The following PRDM11 variants were observed in gnomAD, a reference collection of about 807,000 sequenced individuals.
The protein encoded by PRDM11 is PR/SET domain 11.
A neutral mutation model predicts 97.8 loss-of-function variants in PRDM11; 20 were observed. The observed-to-expected ratio is 0.20, with a 90% CI of 0.14 to 0.30. The LOEUF is 0.30. PRDM11 is among the 10% of genes least tolerant of loss of function. PRDM11 has a pLI of 1.00. For missense variants in PRDM11, 1,139 were observed against 1,555.2 expected (o/e 0.73, Z 4.50); for synonymous variants, 599 against 637.7 (o/e 0.94, Z 0.91).
chr11:45,213,615 G>T (rs143657349), intron 5 of PRDM11: 34 of 456,540 alleles, frequency 7.4e-5, no homozygotes, highest in Admixed American at 7.0e-4. Flanking sequence ...ATGGGATGAC[G>T]TCGGAGGAAG....
intron 1 of PRDM11, among the ~76,000 whole-genome samples, chr11:45,153,413 C>T (rs116488496): frequency 0.013 from 1,991 of 152,316 alleles, 39 homozygotes; most frequent in African/African-American, 0.044. Context: ...ATCTGCAGAA[C>T]GGGGGCAATG....
chr11:45,124,694 T>C (rs1852523648), intron 1 of PRDM11, among the ~76,000 whole-genome samples: 2 of 152,222 alleles, frequency 1.3e-5, no homozygotes, highest in African/African-American at 4.8e-5. Context: ...GAAGCCCACT[T>C]GATCATGGTG....
upstream of PRDM11, among the ~76,000 whole-genome samples, chr11:45,095,072 C>T (rs985624888): frequency 2.0e-5 from 3 of 152,128 alleles, no homozygotes; most frequent in Non-Finnish European, 4.4e-5. Context: ...CTTAACAACG[C>T]CCTTCCCCAA....
chr11:45,213,032 C>A, intron 5 of PRDM11: 1 of 421,704 alleles, frequency 2.4e-6, no homozygotes, highest in Non-Finnish European at 4.9e-6. Context: ...GAAGAGAAAG[C>A]ACAATTTCTA....
Position 45,229,095 on chromosome 11 carries a change from G to A in PRDM11, c.*936G>A, listed in dbSNP as rs1252572734. ...AAGAAGTCCAGACCCCAACAGGGGAGTGATTTTTGGCTAAAAAACAAGGAA... is the reference window on the plus strand; with the variant it reads ...AAGAAGTCCAGACCCCAACAGGGGAATGATTTTTGGCTAAAAAACAAGGAA... On this transcript the variant is annotated 3_prime_UTR_variant, in exon 8 of 8. Transcript: ENST00000683152. 6.6e-6 allele frequency: 1 copy of A among 152,216 alleles called. No individual in the cohort carries two copies. The highest frequency in any genetic ancestry group is 1.5e-5 in the Non-Finnish European group (1 of 68,036). The allele number at this position is 152,216 out of a possible 1,614,324, so 9.4% of individuals were successfully genotyped here.
intron 4 of PRDM11, among the ~76,000 whole-genome samples, chr11:45,198,065 A>T (rs934286227): frequency 2.6e-5 from 4 of 152,180 alleles, no homozygotes; most frequent in African/African-American, 9.7e-5. Flanking sequence ...GGAAGTTCTC[A>T]TTTCCTTATC....
chr11:45,162,143 C>T (rs978393863), intron 1 of PRDM11, among the ~76,000 whole-genome samples: 2 of 152,196 alleles, frequency 1.3e-5, no homozygotes, highest in Admixed American at 1.3e-4. Flanking sequence ...CCCTGCCCTT[C>T]CCCAGCACCA....
intron 4 of PRDM11, among the ~76,000 whole-genome samples, chr11:45,192,324 G>A (rs1590426169): frequency 6.6e-6 from 1 of 152,306 alleles, no homozygotes; most frequent in Non-Finnish European, 1.5e-5. Flanking sequence ...ATAAAACACT[G>A]TTGATTCAAT....
intron 4 of PRDM11, among the ~76,000 whole-genome samples, chr11:45,194,156 A>G (rs900486454): frequency 6.6e-6 from 1 of 152,214 alleles, no homozygotes; most frequent in Non-Finnish European, 1.5e-5. Flanking sequence ...CAGGGATTCA[A>G]TCTGACACGG....
chr11:45,095,360 C>T (rs1851874809), upstream of PRDM11, among the ~76,000 whole-genome samples: 1 of 152,156 alleles, frequency 6.6e-6, no homozygotes, highest in African/African-American at 2.4e-5. Flanking sequence ...CTGATCTCCC[C>T]AGGCATCCCC....
intron 1 of PRDM11, among the ~76,000 whole-genome samples, chr11:45,131,915 T>C (rs958657791): frequency 2.6e-5 from 4 of 152,276 alleles, no homozygotes; most frequent in African/African-American, 9.6e-5. Flanking sequence ...TTCTTTGGTG[T>C]TGGTTTTTGT....
rs527470259 is a variant in PRDM11, at chr11:45,122,326, T to G, written c.96+26425T>G. 3.2e-3 allele frequency among the ~76,000 whole-genome samples: 485 copies of G among 151,696 alleles called. 1 individual carries two copies. The highest frequency in any genetic ancestry group is 5.7e-3 in the Non-Finnish European group (390 of 67,858). On this transcript the variant is annotated intron_variant, in intron 1 of 6. Coordinates refer to the PRDM11 transcript ENST00000530656. ...GATATCATGGTATTTTTTTTATTAT[T>G]ATTATACTTTAAGTCTTAGGGTACA...
intron 1 of PRDM11, among the ~76,000 whole-genome samples, chr11:45,114,104 T>A (rs7109961): frequency 0.025 from 3,818 of 152,064 alleles, 167 homozygotes; most frequent in African/African-American, 0.088. Flanking sequence ...TCAGGGGAAG[T>A]GCAATAGAAC....
chr11:45,096,529 C>T (rs1207916524), intron 1 of PRDM11, among the ~76,000 whole-genome samples: 1 of 152,088 alleles, frequency 6.6e-6, no homozygotes, highest in African/African-American at 2.4e-5. Context: ...GATGTAAGCT[C>T]AGGTGCCTTG....
chr11:45,117,486 C>T (rs979820821), intron 1 of PRDM11, among the ~76,000 whole-genome samples: 8 of 152,166 alleles, frequency 5.3e-5, no homozygotes, highest in African/African-American at 1.9e-4. Flanking sequence ...GGTGCTAATG[C>T]CTGTCATCCT....
At chr11:45,129,526 A>C (rs1565245175) in intron 1 of PRDM11, among the ~76,000 whole-genome samples, 3 of 152,182 alleles carry the variant, frequency 2.0e-5, no homozygotes, top group African/African-American at 7.2e-5. Flanking sequence ...GAACCTTAAA[A>C]ACCACCATTT....
At chr11:45,170,294 G>C (rs1164454484) in intron 1 of PRDM11, among the ~76,000 whole-genome samples, 1 of 151,830 alleles carries the variant, frequency 6.6e-6, no homozygotes, top group Non-Finnish European at 1.5e-5. Context: ...AGTGAGGTGA[G>C]ATCACACCAC....
At chr11:45,122,964 G>A (rs1011317973) in intron 1 of PRDM11, among the ~76,000 whole-genome samples, 6 of 152,264 alleles carry the variant, frequency 3.9e-5, no homozygotes, top group Middle Eastern at 3.4e-3. Context: ...CACCAACAGT[G>A]TAAAAGTGTT....
chr11:45,120,551 G>A (rs2135626084), intron 1 of PRDM11, among the ~76,000 whole-genome samples: 1 of 152,014 alleles, frequency 6.6e-6, no homozygotes, highest in East Asian at 1.9e-4. Context: ...ATGGAAGCTA[G>A]AAAAAGAATA....
Sources: gnomAD v4.1 joint callset for allele counts (sites outside exome capture counted in the v4.1 genomes callset) on GRCh38, gnomAD v4.1.1 for gene constraint, MANE v1.5 for transcripts, NCBI Gene and HGNC (gene_info 2026-07-23, HGNC 2026-07-21) for gene names.